EIF4G3: variants seen among roughly 807,000 people sequenced by gnomAD.
The protein encoded by EIF4G3 is eIF-4-gamma 3.
EIF4G3 carries 34 observed loss-of-function variants against 186.4 expected under a neutral mutation model. That is an observed-to-expected ratio of 0.18 (90% confidence interval 0.14 to 0.24). EIF4G3 has a LOEUF of 0.24. Among genes scored for constraint, EIF4G3 ranks in the 10% least tolerant of loss-of-function variants. EIF4G3 has a pLI of 1.00. For synonymous variants in EIF4G3, 673 were observed against 679.5 expected (o/e 0.99, Z 0.15); for missense variants, 1,536 against 1,948.5 (o/e 0.79, Z 3.99).
At chr1:20,826,889 CAA>C (rs1167204444) in intron 32 of EIF4G3, among the ~76,000 whole-genome samples, 1 of 152,074 alleles carries the variant, frequency 6.6e-6, no homozygotes, top group Non-Finnish European at 1.5e-5. Context: ...TGCCATTAAG[CAA>C]AGAGTAGTAT....
chr1:20,876,300 TGAGA>T (rs1168545300), intron 20 of EIF4G3, among the ~76,000 whole-genome samples: 1 of 140,658 alleles, frequency 7.1e-6, no homozygotes, highest in Non-Finnish European at 1.5e-5. Flanking sequence ...AATGAACATA[TGAGA>T]GAGAGAGATA....
chr1:21,170,674 A>G (rs560471138), intron 2 of EIF4G3, among the ~76,000 whole-genome samples: 12 of 152,150 alleles, frequency 7.9e-5, no homozygotes, highest in Non-Finnish European at 1.5e-4. Context: ...CTCAAAAAAA[A>G]GTACAAAACA....
intron 4 of EIF4G3, among the ~76,000 whole-genome samples, chr1:21,024,788 G>A (rs1341890027): frequency 6.7e-6 from 1 of 149,174 alleles, no homozygotes; most frequent in African/African-American, 2.5e-5. Flanking sequence ...AGGAAAACCA[G>A]AGACCTTTGT....
At chr1:21,011,394 C>T (rs2087034675) in intron 4 of EIF4G3, among the ~76,000 whole-genome samples, 1 of 152,030 alleles carries the variant, frequency 6.6e-6, no homozygotes, top group African/African-American at 2.4e-5. Context: ...TAAAACAGAG[C>T]TCCCATATAC....
chr1:20,947,401 C>G (rs758913951), intron 13 of EIF4G3, among the ~76,000 whole-genome samples: 1 of 150,564 alleles, frequency 6.6e-6, no homozygotes, highest in Non-Finnish European at 1.5e-5. Context: ...ACCATTTTCT[C>G]TGAAAAAAAT....
intron 18 of EIF4G3, among the ~76,000 whole-genome samples, chr1:20,886,659 C>A (rs374393670): frequency 6.6e-6 from 1 of 152,252 alleles, no homozygotes; most frequent in East Asian, 1.9e-4. Flanking sequence ...TTAAGCTTAT[C>A]TTTTATTAGT....
At chr1:20,824,954 A>T in intron 33 of EIF4G3, 146 bp downstream of exon 33, 1 of 507,308 alleles carries the variant, frequency 2.0e-6, no homozygotes, top group Non-Finnish European at 3.4e-6. Context: ...GAGTGGCTTT[A>T]AAAGCATGAA....
Position 20,829,366 on chromosome 1 carries a change from T to G in EIF4G3, c.4062-94A>C. The G allele has an allele frequency of 1.3e-5, 18 of 1,369,174 alleles. 1 individual carries two copies. The South Asian group carries it at 2.3e-4, about 17-fold the overall frequency. 84.8% of individuals were successfully genotyped at this position (1,369,174 alleles called of 1,614,324 possible). A position where few individuals can be genotyped will look rare whatever the true frequency, so the allele number is the denominator to read the frequency against. ...AAAAAATCAGTCAACAAATACATAT[T>G]AATCACCTGCTATGTTAGGTACAGT... On this transcript the variant is annotated intron_variant, in intron 30 of 36. Coordinates refer to ENST00000602326, the MANE Select transcript of EIF4G3 (RefSeq NM_001391906.1).
At chr1:21,037,980 C>T (rs763674459) in intron 4 of EIF4G3, among the ~76,000 whole-genome samples, 1 of 152,110 alleles carries the variant, frequency 6.6e-6, no homozygotes, top group African/African-American at 2.4e-5. Flanking sequence ...TCAGGTGATT[C>T]TAAGTGGGAA....
At chr1:21,068,012 CAG>C (rs751280971) in intron 3 of EIF4G3, among the ~76,000 whole-genome samples, 34 of 152,128 alleles carry the variant, frequency 2.2e-4, no homozygotes, top group Admixed American at 8.5e-4. Context: ...TACCTTTCAT[CAG>C]ATTTTCAAAA....
At chr1:20,866,326 T>C (rs2077555489) in intron 20 of EIF4G3, among the ~76,000 whole-genome samples, 1 of 152,188 alleles carries the variant, frequency 6.6e-6, no homozygotes, top group African/African-American at 2.4e-5. Flanking sequence ...CTAGAACTGA[T>C]GGCACACTCT....
intron 15 of EIF4G3, among the ~76,000 whole-genome samples, chr1:20,900,897 G>T (rs1387648900): frequency 6.6e-6 from 1 of 152,120 alleles, no homozygotes; most frequent in Non-Finnish European, 1.5e-5. Flanking sequence ...ATGAAATTAT[G>T]TTTAAAACAA....
chr1:21,046,825 T>C (rs546501690), intron 4 of EIF4G3, among the ~76,000 whole-genome samples: 9 of 152,272 alleles, frequency 5.9e-5, no homozygotes, highest in African/African-American at 2.2e-4. Flanking sequence ...AGCTTCTAAG[T>C]TTCACACTAA....
chr1:20,858,607 A>G (rs1421687213), intron 24 of EIF4G3, among the ~76,000 whole-genome samples: 1 of 152,152 alleles, frequency 6.6e-6, no homozygotes, highest in Non-Finnish European at 1.5e-5. Context: ...TTAAGTATTT[A>G]TTATTTATTG....
intron 14 of EIF4G3, among the ~76,000 whole-genome samples, chr1:20,922,859 C>G (rs558323001): frequency 6.6e-6 from 1 of 152,260 alleles, no homozygotes; most frequent in Non-Finnish European, 1.5e-5. Flanking sequence ...ACCCAGCAAC[C>G]AATACAGTGC....
intron 3 of EIF4G3, among the ~76,000 whole-genome samples, chr1:21,080,726 T>C (rs1332254251): frequency 6.6e-6 from 1 of 152,104 alleles, no homozygotes; most frequent in Non-Finnish European, 1.5e-5. Context: ...GTCAGGCTGA[T>C]CTCAAACTCC....
intron 2 of EIF4G3, among the ~76,000 whole-genome samples, chr1:21,104,200 G>A (rs893443369): frequency 6.6e-6 from 1 of 152,106 alleles, no homozygotes; most frequent in Non-Finnish European, 1.5e-5. Context: ...GCAGGAAAGT[G>A]GTACTAGAAA....
At chr1:21,084,447 C>G (rs548987146) in intron 3 of EIF4G3, among the ~76,000 whole-genome samples, 1 of 152,128 alleles carries the variant, frequency 6.6e-6, no homozygotes, top group Non-Finnish European at 1.5e-5. Flanking sequence ...ATCACAAGAA[C>G]AGCATGGGGA....
chr1:21,083,487 C>CTTTT (rs11368580), intron 3 of EIF4G3, among the ~76,000 whole-genome samples: 1 of 144,426 alleles, frequency 6.9e-6, no homozygotes, highest in Non-Finnish European at 1.5e-5. Context: ...CACACACACA[C>CTTTT]TTTTTTTTTT....
Sources: allele counts gnomAD v4.1 joint callset (sites outside exome capture counted in the v4.1 genomes callset), GRCh38; gene constraint gnomAD v4.1.1; transcripts MANE v1.5; gene names NCBI Gene and HGNC (gene_info 2026-07-23, HGNC 2026-07-21).